SORCS1: variants seen among roughly 807,000 people sequenced by gnomAD.
The protein encoded by SORCS1 is VPS10 domain-containing receptor SorCS1.
In SORCS1, 60 loss-of-function variants were observed where a neutral mutation model predicts 146.1. The observed-to-expected ratio is 0.41, with a 90% CI of 0.33 to 0.51. SORCS1 has a LOEUF of 0.51. Ranked by LOEUF, SORCS1 falls within the 20% of genes least tolerant of loss-of-function variation. The probability of loss-of-function intolerance (pLI) is 0.21; values close to 1 mark genes in which losing one functional copy is unlikely to be tolerated. For synonymous variants in SORCS1, 637 were observed against 584.0 expected, an observed-to-expected ratio of 1.09 and a Z score of -1.31; for missense variants, 1,352 against 1,487.6, an observed-to-expected ratio of 0.91 and a Z score of 1.50.
At chr10:106,887,804 T>C (rs1204087105) in intron 2 of SORCS1, among the ~76,000 whole-genome samples, 1 of 152,206 alleles carries the variant, frequency 6.6e-6, no homozygotes, top group Non-Finnish European at 1.5e-5. Context: ...CTATTATTTT[T>C]TCATTACAAA....
Position 106,878,620 on chromosome 10 carries a change from G to GTATATATATATATATATATATATATA in SORCS1, c.627-48973_627-48948dup, listed in dbSNP as rs3982430. On this transcript the variant is annotated intron_variant, in intron 2 of 25. Transcript: ENST00000263054. ...AAATTTGTTTTTTATAAACTACCTA[G>GTATATATATATATATATATATATATA]TATATATATATATATATATATATAT... Among the ~76,000 whole-genome samples, 115 of 84,880 alleles carry GTATATATATATATATATATATATATA rather than the reference G, an allele frequency of 1.4e-3. 2 individuals are homozygous for GTATATATATATATATATATATATATA. The highest frequency in any genetic ancestry group is 2.1e-3 in the African/African-American group (45 of 21,778). The allele number at this position is 84,880 out of a possible 152,430, so 55.7% of individuals were successfully genotyped here. A position where few individuals can be genotyped will look rare whatever the true frequency, so the allele number is the denominator to read the frequency against.
chr10:107,105,124 G>T (rs996377677), intron 1 of SORCS1, among the ~76,000 whole-genome samples: 11 of 152,196 alleles, frequency 7.2e-5, no homozygotes, highest in Admixed American at 4.6e-4. Context: ...CAAGTAGTGA[G>T]TTAATAACTG....
At chr10:106,591,078 A>T (rs1334504287) in intron 24 of SORCS1, among the ~76,000 whole-genome samples, 14 of 152,208 alleles carry the variant, frequency 9.2e-5, no homozygotes, top group Non-Finnish European at 8.8e-5. Context: ...TAAGGTGAGG[A>T]GTGTGCAGTC....
chr10:106,934,482 A>T (rs575773858), intron 2 of SORCS1, among the ~76,000 whole-genome samples: 2 of 152,098 alleles, frequency 1.3e-5, no homozygotes, highest in East Asian at 3.9e-4. Flanking sequence ...GACAGTCTGG[A>T]TCTCCTGCCC....
At chr10:107,000,964 A>G (rs1398029257) in intron 1 of SORCS1, among the ~76,000 whole-genome samples, 1 of 150,574 alleles carries the variant, frequency 6.6e-6, no homozygotes, top group African/African-American at 2.5e-5. Context: ...GAGATCATGT[A>G]AAGAATTTTT....
chr10:106,774,925 T>A (rs1319699376), intron 4 of SORCS1, among the ~76,000 whole-genome samples: 4 of 152,194 alleles, frequency 2.6e-5, no homozygotes, highest in Non-Finnish European at 5.9e-5. Flanking sequence ...ATTATAATTA[T>A]CCATACAAAC....
chr10:106,974,271 T>C (rs1375020894), intron 1 of SORCS1, among the ~76,000 whole-genome samples: 1 of 152,178 alleles, frequency 6.6e-6, no homozygotes, highest in Non-Finnish European at 1.5e-5. Flanking sequence ...ATGTGATAAG[T>C]ATTATGATAG....
chr10:107,080,560 TCAGA>T (rs2134236714), intron 1 of SORCS1, among the ~76,000 whole-genome samples: 1 of 152,348 alleles, frequency 6.6e-6, no homozygotes, highest in South Asian at 2.1e-4. Flanking sequence ...CACTGAGTAA[TCAGA>T]CAGTGCATTA....
intron 2 of SORCS1, among the ~76,000 whole-genome samples, chr10:106,928,127 T>G (rs556518699): frequency 6.6e-6 from 1 of 152,276 alleles, no homozygotes; most frequent in East Asian, 1.9e-4. Context: ...CCTTGGGTGG[T>G]CGATGGGACT....
chr10:107,110,967 C>A (rs188059681), intron 1 of SORCS1, among the ~76,000 whole-genome samples: 2 of 152,270 alleles, frequency 1.3e-5, no homozygotes, highest in South Asian at 2.1e-4. Flanking sequence ...TGGTAACAGG[C>A]CTGCCAACTG....
chr10:107,048,429 G>A (rs72812904), intron 1 of SORCS1, among the ~76,000 whole-genome samples: 1,645 of 152,050 alleles, frequency 0.011, 15 homozygotes, highest in South Asian at 0.029. Context: ...TATACTCTAC[G>A]TTTATTTGTT....
chr10:106,730,314 T>C (rs112321230), intron 5 of SORCS1, among the ~76,000 whole-genome samples, 200 bp from the exon 6 acceptor site: 2,689 of 152,310 alleles, frequency 0.018, 85 homozygotes, highest in African/African-American at 0.062. Context: ...GAAAACTACA[T>C]TTGATGAAAG....
intron 2 of SORCS1, among the ~76,000 whole-genome samples, chr10:106,954,776 C>T (rs1954854656): frequency 6.6e-6 from 1 of 152,106 alleles, no homozygotes; most frequent in South Asian, 2.1e-4. Context: ...CTGCACCTCC[C>T]CCATTTTGAG....
chr10:106,949,130 T>C, intron 2 of SORCS1, among the ~76,000 whole-genome samples: 1 of 152,178 alleles, frequency 6.6e-6, no homozygotes. Flanking sequence ...CCTTAGACTC[T>C]GGAGAGGTAC....
At chr10:106,893,310 G>C (rs1343169194) in intron 2 of SORCS1, among the ~76,000 whole-genome samples, 1 of 152,122 alleles carries the variant, frequency 6.6e-6, no homozygotes, top group Non-Finnish European at 1.5e-5. Flanking sequence ...GCCAACAAAA[G>C]GAATGAGAAA....
At chr10:106,658,602 C>A (rs985573914) in intron 17 of SORCS1, among the ~76,000 whole-genome samples, 9 of 152,222 alleles carry the variant, frequency 5.9e-5, no homozygotes, top group Middle Eastern at 3.4e-3. Flanking sequence ...ATGAAGGAAG[C>A]CTTGGGGATG....
intron 1 of SORCS1, among the ~76,000 whole-genome samples, chr10:107,041,307 T>C (rs1959143274): frequency 6.6e-6 from 1 of 152,058 alleles, no homozygotes; most frequent in Admixed American, 6.6e-5. Flanking sequence ...TGATGTTGTC[T>C]ATCTCTGCTA....
chr10:106,610,132 G>A (rs571015119), intron 22 of SORCS1, among the ~76,000 whole-genome samples: 1 of 152,224 alleles, frequency 6.6e-6, no homozygotes, highest in East Asian at 1.9e-4. Context: ...GATGCTGAAA[G>A]CCATAGAGAC....
At chr10:106,675,248 A>T in intron 13 of SORCS1, 92 bp from the exon 14 acceptor site, 1 of 880,078 alleles carries the variant, frequency 1.1e-6, no homozygotes, top group Non-Finnish European at 1.7e-6. Context: ...GAGATAATAC[A>T]TTTTAAAAGT....
Sources: allele counts gnomAD v4.1 joint callset (sites outside exome capture counted in the v4.1 genomes callset), GRCh38; gene constraint gnomAD v4.1.1; transcripts MANE v1.5; gene names NCBI Gene and HGNC (gene_info 2026-07-23, HGNC 2026-07-21).